The following AP5Z1 variants were observed in gnomAD, a reference collection of about 807,000 sequenced individuals.
AP5Z1 encodes AP-5 complex subunit zeta-1.
AP5Z1 carries 106 observed loss-of-function variants against 83.0 expected under a neutral mutation model. That is an observed-to-expected ratio of 1.28 (90% CI 1.09 to 1.50). The LOEUF (loss-of-function observed/expected upper bound fraction) is 1.50. AP5Z1 is among the 40% of genes most tolerant of loss of function. The probability of loss-of-function intolerance (pLI) is 0.00; values close to 1 mark genes in which losing one functional copy is unlikely to be tolerated. For missense variants in AP5Z1, 1,565 were observed against 1,094.2 expected (o/e 1.43, Z -6.07); for synonymous variants, 751 against 514.1 (o/e 1.46, Z -6.23).
At chr7:4,776,946 A>G (rs1781245449) in intron 1 of AP5Z1, among the ~76,000 whole-genome samples, 1 of 152,178 alleles carries the variant, frequency 6.6e-6, no homozygotes, top group Non-Finnish European at 1.5e-5. Context: ...ACCTGGACTC[A>G]GAGCTAGACC....
rs907913404 is a variant in AP5Z1 at position 4,775,884 on chromosome 7, C to G, written c.41+128C>G. The stretch of plus-strand genomic sequence containing the variant: ...AACCCGACTGGACTCGCCCTCGAGA[C>G]TTGGGGATCGGGTAAGGCAACACGG... On this transcript the variant is annotated intron_variant, in intron 1 of 16. Coordinates refer to ENST00000649063, the MANE Select transcript of AP5Z1 (RefSeq NM_014855.3). The G allele has an allele frequency of 3.7e-6, 5 of 1,356,202 alleles. No individual in the cohort carries two copies. The African/African-American group carries it at 5.9e-5, about 16-fold the overall frequency. 84.0% of individuals were successfully genotyped at this position (1,356,202 alleles called of 1,614,324 possible).
intron 14 of AP5Z1, 87 bp downstream of exon 14, chr7:4,790,016 G>A (rs2115126608): frequency 9.0e-7 from 1 of 1,116,134 alleles, no homozygotes; most frequent in South Asian, 2.1e-5. Flanking sequence ...CCCTTCAGTG[G>A]CTTCGGCACC....
chr7:4,788,970 G>GC lies in AP5Z1; in HGVS notation c.1707+25dup, dbSNP rs529746844. 201 of 1,601,642 alleles carry GC rather than the reference G, an allele frequency of 1.3e-4. No homozygotes were observed. Among genetic ancestry groups the GC allele is most frequent in the African/African-American group, 8.6e-4 (64 of 74,808 alleles). On this transcript the variant is annotated intron_variant, in intron 13 of 16. Coordinates refer to ENST00000649063, the MANE Select transcript of AP5Z1 (RefSeq NM_014855.3). ...GACCCAGGTGAGCTCGCTGCCTGGG[G>GC]CCCCCCATTCCCACAGGCCTCACAA...
At chr7:4,786,199 A>T in intron 9 of AP5Z1, 51 bp from the exon 10 acceptor site, 3 of 1,517,658 alleles carry the variant, frequency 2.0e-6, no homozygotes, top group Non-Finnish European at 2.7e-6. Flanking sequence ...TCACAGAAGC[A>T]CGGCCAGGGC....
At chr7:4,781,371 C>T (rs1781376900) in intron 2 of AP5Z1, 59 bp downstream of exon 2, 2 of 1,606,776 alleles carry the variant, frequency 1.2e-6, no homozygotes, top group African/African-American at 1.3e-5. Flanking sequence ...AGAACCCAGC[C>T]CACGCCCAGC....
In AP5Z1 at chr7:4,791,205, T is replaced by C. The variant is rs1299644935; in HGVS notation, c.2244T>C (p.Arg748=). 1.2e-6 allele frequency: 2 copies of C among 1,612,522 alleles called. No homozygotes were observed. Among genetic ancestry groups the C allele is most frequent in the Middle Eastern group, 1.6e-4 (1 of 6,078 alleles). Residue 748 remains arginine (R), a synonymous_variant, in exon 17 of 17, where the codon CGT becomes CGC. Transcript: ENST00000649063. ...GCGAGGAGGGCGCGGAAGCCATCCG[T>C]ACCCGGGCCACAGAGCTGCTGACCC... is the stretch of plus-strand genomic sequence containing the variant. The part of the protein sequence containing the change: ...THSEEGAEAI[R]TRATELLTLL...
intron 13 of AP5Z1, among the ~76,000 whole-genome samples, chr7:4,789,425 GGCTGGTGCCCCCCATCTCCCCCATT>G (rs1781672434): frequency 6.6e-6 from 1 of 152,316 alleles, no homozygotes; most frequent in South Asian, 2.1e-4. Context: ...GGCTCCCACA[GGCTGGTGCCCCCCATCTCCCCCATT>G]GCTGCTTCCC....
At chr7:4,784,826 C>T in intron 6 of AP5Z1, 82 bp from the exon 7 acceptor site, 2 of 1,505,520 alleles carry the variant, frequency 1.3e-6, no homozygotes, top group Non-Finnish European at 1.8e-6. Context: ...GTGCTCTCCT[C>T]CTGCCCTTCC....
chr7:4,776,834 G>C (rs919654257), intron 1 of AP5Z1, among the ~76,000 whole-genome samples: 1 of 152,146 alleles, frequency 6.6e-6, no homozygotes, highest in Admixed American at 6.5e-5. Flanking sequence ...AGCAGGAGAA[G>C]TGCATGAACC....
At chr7:4,785,283 C>A in intron 7 of AP5Z1, 132 bp from the exon 8 acceptor site, 1 of 1,352,948 alleles carries the variant, frequency 7.4e-7, no homozygotes, top group Non-Finnish European at 9.9e-7. Context: ...CAGTCCCACT[C>A]AAGTCCTCCT....
chr7:4,779,372 A>G (rs914738211), intron 1 of AP5Z1, among the ~76,000 whole-genome samples: 4 of 141,060 alleles, frequency 2.8e-5, no homozygotes, highest in African/African-American at 1.0e-4. Flanking sequence ...ATAACGTGTT[A>G]TATGTCATAT....
intron 1 of AP5Z1, among the ~76,000 whole-genome samples, chr7:4,776,625 C>G (rs1235294780): frequency 6.6e-6 from 1 of 150,862 alleles, no homozygotes; most frequent in African/African-American, 2.4e-5. Flanking sequence ...ATCCCAGCTA[C>G]TCGGGAGGCT....
At position 4,788,271 on chromosome 7, in the gene AP5Z1, C is replaced by T. The variant is rs775482638; in HGVS notation, c.1572C>T (p.Pro524=). The change falls in exon 12 of 17, where the codon CCC becomes CCT. Residue 524 remains proline, a synonymous_variant. Coordinates refer to ENST00000649063, the MANE Select transcript of AP5Z1 (RefSeq NM_014855.3). ...FQGLFQYLLR[P]KASGATERLA... is the part of the protein sequence containing the mutation. ...GTCTTTTCCAATACCTGCTGCGCCC[C>T]AAGGCCAGTGGCGCCACTGAGAGGT... The T allele has an allele frequency of 6.3e-7, 1 of 1,591,976 alleles. No homozygotes were observed. Among genetic ancestry groups the T allele is most frequent in the Admixed American group, 1.7e-5 (1 of 57,152 alleles).
In AP5Z1 at chr7:4,789,928, A is replaced by T; in HGVS notation, c.1804A>T (p.Ser602Cys). 6.5e-7 allele frequency: 1 copy of T among 1,536,900 alleles called. No individual in the cohort carries two copies. The highest frequency in any genetic ancestry group is 1.2e-5 in the South Asian group (1 of 83,396). ...CCCAGGGTACGCTGCCGGTGTGCAC[A>T]GGTAGGTCCCTCCTGCGCTCCTGCC... ...PAPGYAAGVHSVLSSQFLALC... is the reference protein window; with the variant it reads ...PAPGYAAGVHCVLSSQFLALC... Residue 602 changes from serine (S) to cysteine (C), a missense_variant and splice_region_variant, in exon 14 of 17, where the codon AGT becomes TGT. By Grantham distance (112) the Ser-to-Cys change is moderately radical. Coordinates refer to ENST00000649063, the MANE Select transcript of AP5Z1 (RefSeq NM_014855.3).
At position 4,791,547 on chromosome 7, in the gene AP5Z1, C is replaced by T; in HGVS notation, c.*162C>T. On this transcript the variant is annotated 3_prime_UTR_variant, in exon 17 of 17. Coordinates refer to ENST00000649063, the MANE Select transcript of AP5Z1 (RefSeq NM_014855.3). ...CTCACAGACACGCGGGGCTGGCCCCCCTGCTCACCCTCTGGGCTTTGTCTC... is the reference window on the plus strand; with the variant it reads ...CTCACAGACACGCGGGGCTGGCCCCTCTGCTCACCCTCTGGGCTTTGTCTC... The T allele has an allele frequency of 1.5e-5, 16 of 1,043,628 alleles. No homozygotes were observed. The highest frequency in any genetic ancestry group is 2.2e-5 in the Non-Finnish European group (16 of 735,134). 64.6% of individuals were successfully genotyped at this position (1,043,628 alleles called of 1,614,324 possible).
chr7:4,788,789 A>G (rs1781645486), intron 12 of AP5Z1, 51 bp from the exon 13 acceptor site: 1 of 1,463,994 alleles, frequency 6.8e-7, no homozygotes, highest in South Asian at 1.3e-5. Flanking sequence ...CCCGGCCTGC[A>G]GTCACCAGGT....
Position 4,788,134 on chromosome 7 carries a change from T to C in AP5Z1, c.1455-20T>C. The C allele has an allele frequency of 6.6e-7, 1 of 1,511,670 alleles. No homozygotes were observed. Among genetic ancestry groups the C allele is most frequent in the South Asian group, 1.2e-5 (1 of 81,206 alleles). The allele number at this position is 1,511,670 out of a possible 1,614,324, so 93.6% of individuals were successfully genotyped here. The stretch of plus-strand genomic sequence containing the variant: ...GCAGGGGCCGCATCCCAGCCTGGCC[T>C]TGGGCGTCTGTCCACGCAGGTCAGC... On this transcript the variant is annotated intron_variant, in intron 11 of 16. Transcript: ENST00000649063.
chr7:4,788,999 A>AGGGGC (rs1332839748), intron 13 of AP5Z1, 48 bp downstream of exon 13: 3 of 1,526,176 alleles, frequency 2.0e-6, no homozygotes, highest in East Asian at 2.3e-5. Flanking sequence ...CTCACAACTG[A>AGGGGC]GGGGCAGGCC....
chr7:4,782,689 A>G (rs939000835), intron 3 of AP5Z1, among the ~76,000 whole-genome samples: 2 of 151,908 alleles, frequency 1.3e-5, no homozygotes, highest in African/African-American at 2.4e-5. Context: ...GGCCTCCGAG[A>G]TGACCCCGGT....
Sources: gnomAD v4.1 joint callset for allele counts (sites outside exome capture counted in the v4.1 genomes callset) on GRCh38, gnomAD v4.1.1 for gene constraint, MANE v1.5 for transcripts, NCBI Gene and HGNC (gene_info 2026-07-23, HGNC 2026-07-21) for gene names.